Variants in ROBO1 observed in about 807,000 individuals in gnomAD.
ROBO1 encodes roundabout homolog 1.
ROBO1 carries 149 observed loss-of-function variants against 195.9 expected under a neutral mutation model. The ratio of observed to expected loss-of-function variants is 0.76; its 90% CI spans 0.67 to 0.87. The LOEUF is 0.87. ROBO1 is among the 40% of genes least tolerant of loss of function. The pLI, the probability that ROBO1 is intolerant of heterozygous loss-of-function variation, is 0.00. For synonymous variants in ROBO1, 816 were observed against 733.2 expected, an observed-to-expected ratio of 1.11 and a Z score of -1.82; for missense variants, 1,933 against 2,068.3, an observed-to-expected ratio of 0.93 and a Z score of 1.27.
intron 10 of ROBO1, among the ~76,000 whole-genome samples, chr3:78,676,718 C>G (rs1410019517): frequency 6.6e-6 from 1 of 152,112 alleles, no homozygotes; most frequent in Non-Finnish European, 1.5e-5. Context: ...CTGAAAGTGA[C>G]GGGGAGAATG....
intron 2 of ROBO1, among the ~76,000 whole-genome samples, chr3:79,138,130 T>A (rs1234699163): frequency 6.6e-6 from 1 of 152,062 alleles, no homozygotes; most frequent in African/African-American, 2.4e-5. Flanking sequence ...GAAATCAAGA[T>A]ACATTGAGAT....
chr3:79,551,573 G>T (rs7652153), intron 2 of ROBO1, among the ~76,000 whole-genome samples: 20,508 of 151,970 alleles, frequency 0.13, 1,902 homozygotes, highest in African/African-American at 0.26. Flanking sequence ...GCAAAGCTTT[G>T]ATGTCGGTGG....
chr3:79,137,268 A>G (rs1405125760), intron 2 of ROBO1, among the ~76,000 whole-genome samples: 1 of 152,094 alleles, frequency 6.6e-6, no homozygotes, highest in Non-Finnish European at 1.5e-5. Context: ...GTCTTCCAAT[A>G]GTTTTGGGAA....
At chr3:79,198,767 T>TG (rs2081695544) in intron 2 of ROBO1, among the ~76,000 whole-genome samples, 1 of 152,100 alleles carries the variant, frequency 6.6e-6, no homozygotes, top group Non-Finnish European at 1.5e-5. Context: ...CCTTGTAAGT[T>TG]GGATTCCTAG....
chr3:78,750,495 AAAT>A (rs2082765368), intron 4 of ROBO1, among the ~76,000 whole-genome samples: 1 of 134,006 alleles, frequency 7.5e-6, no homozygotes, highest in African/African-American at 3.1e-5. Flanking sequence ...ATAAATAAAT[AAAT>A]AAAATAAAAT....
chr3:78,885,940 T>TATATATATATAC (rs1043908565), intron 4 of ROBO1, among the ~76,000 whole-genome samples: 11 of 140,806 alleles, frequency 7.8e-5, no homozygotes, highest in African/African-American at 2.4e-4. Flanking sequence ...TATATATATA[T>TATATATATATAC]ACATACATAT....
chr3:78,760,426 G>C (rs1228528660), intron 4 of ROBO1, among the ~76,000 whole-genome samples: 1 of 152,034 alleles, frequency 6.6e-6, no homozygotes, highest in East Asian at 1.9e-4. Context: ...CTGCATTTGG[G>C]AGGCCGAGGC....
chr3:79,519,998 A>G (rs1183395797), intron 2 of ROBO1, among the ~76,000 whole-genome samples: 1 of 151,928 alleles, frequency 6.6e-6, no homozygotes, highest in Non-Finnish European at 1.5e-5. Context: ...CTGTGTAGAA[A>G]AAATTTTAAA....
chr3:79,068,162 C>T (rs2079032922), intron 3 of ROBO1, among the ~76,000 whole-genome samples: 1 of 151,878 alleles, frequency 6.6e-6, no homozygotes, highest in East Asian at 1.9e-4. Flanking sequence ...ACATAAATAT[C>T]GCCACCATAT....
chr3:79,112,584 C>T (rs1378354249), intron 3 of ROBO1, among the ~76,000 whole-genome samples: 2 of 152,102 alleles, frequency 1.3e-5, no homozygotes, highest in Non-Finnish European at 2.9e-5. Flanking sequence ...TACCAAGGTC[C>T]AAATGAGTTC....
chr3:79,141,375 G>T (rs1248410351), intron 2 of ROBO1, among the ~76,000 whole-genome samples: 3 of 151,980 alleles, frequency 2.0e-5, no homozygotes, highest in Non-Finnish European at 4.4e-5. Flanking sequence ...CCACAGTCAC[G>T]GTTTTGCACT....
intron 2 of ROBO1, among the ~76,000 whole-genome samples, chr3:79,514,772 A>G (rs1940870779): frequency 6.6e-6 from 1 of 152,232 alleles, no homozygotes; most frequent in African/African-American, 2.4e-5. Context: ...CAGCAAATTC[A>G]AACACAGACA....
chr3:79,340,613 G>A (rs1267352306), intron 2 of ROBO1, among the ~76,000 whole-genome samples: 3 of 152,072 alleles, frequency 2.0e-5, no homozygotes, highest in African/African-American at 4.8e-5. Flanking sequence ...CTATTAGAAC[G>A]GTAAGAATAA....
At chr3:79,041,676 T>C (rs1576602480) in intron 3 of ROBO1, among the ~76,000 whole-genome samples, 1 of 152,198 alleles carries the variant, frequency 6.6e-6, no homozygotes, top group African/African-American at 2.4e-5. Context: ...CAAAAGGAGA[T>C]GCTCTGTGTG....
At chr3:79,421,380 TA>T (rs529336248) in intron 2 of ROBO1, among the ~76,000 whole-genome samples, 319 of 142,586 alleles carry the variant, frequency 2.2e-3, no homozygotes, top group Admixed American at 2.0e-3. Flanking sequence ...AAATGAAAGT[TA>T]AAAAAAAAAA....
At chr3:78,710,842 C>G (rs2081666281) in intron 8 of ROBO1, among the ~76,000 whole-genome samples, 2 of 152,280 alleles carry the variant, frequency 1.3e-5, no homozygotes, top group South Asian at 2.1e-4. Context: ...CAAGTAACTC[C>G]TCATTCCTGA....
intron 9 of ROBO1, among the ~76,000 whole-genome samples, chr3:78,688,349 TTAAA>T (rs1413465444): frequency 3.3e-5 from 5 of 152,116 alleles, no homozygotes; most frequent in Non-Finnish European, 5.9e-5. Context: ...CAAATAATAA[TTAAA>T]TAATGTTGAG....
intron 2 of ROBO1, chr3:79,533,066 A>T (rs1447112781): frequency 2.3e-6 from 1 of 438,150 alleles, no homozygotes; most frequent in Non-Finnish European, 4.6e-6. Context: ...GACGAATTTT[A>T]TTGTATTACA....
intron 8 of ROBO1, among the ~76,000 whole-genome samples, chr3:78,709,742 C>G (rs2081636636): frequency 6.6e-6 from 1 of 152,082 alleles, no homozygotes; most frequent in South Asian, 2.1e-4. Flanking sequence ...GATAATCTTA[C>G]TAGTCTCTGT....
Sources: gnomAD v4.1 joint callset for allele counts (sites outside exome capture counted in the v4.1 genomes callset) on GRCh38, gnomAD v4.1.1 for gene constraint, MANE v1.5 for transcripts, NCBI Gene and HGNC (gene_info 2026-07-23, HGNC 2026-07-21) for gene names.